The following AR variants were observed in gnomAD, a reference collection of about 807,000 sequenced individuals.
AR encodes the protein dihydrotestosterone receptor.
A neutral mutation model predicts 53.9 loss-of-function variants in AR; 8 were observed. The observed-to-expected ratio is 0.15, with a 90% confidence interval of 0.09 to 0.27. The LOEUF (loss-of-function observed/expected upper bound fraction) is 0.27. AR is among the 10% of genes least tolerant of loss of function. The pLI, the probability that AR is intolerant of heterozygous loss-of-function variation, is 1.00. For missense variants in AR, 639 were observed against 742.5 expected (o/e 0.86, Z 1.62); for synonymous variants, 359 against 316.4 (o/e 1.13, Z -1.43).
intron 3 of AR, chrX:67,689,781 C>G (rs1374453704): frequency 2.6e-6 from 2 of 772,868 alleles, no homozygotes; most frequent in Non-Finnish European, 3.2e-6. Context: ...AAAAAAAGTC[C>G]AAATGAGGAC....
chrX:67,577,356 G>GT (rs747222375), intron 1 of AR, among the ~76,000 whole-genome samples: 1 of 110,885 alleles, frequency 9.0e-6, no homozygotes, highest in Non-Finnish European at 1.9e-5. Flanking sequence ...TATCATATTT[G>GT]TTTTTTCCAA....
intron 4 of AR, among the ~76,000 whole-genome samples, chrX:67,717,193 A>C (rs899602035): frequency 8.9e-6 from 1 of 112,240 alleles, no homozygotes; most frequent in African/African-American, 3.2e-5. Context: ...TCATATAAGC[A>C]GTCAATAAGT....
chrX:67,689,537 T>C, intron 3 of AR: 1 of 960,223 alleles, frequency 1.0e-6, no homozygotes, highest in Non-Finnish European at 1.3e-6. Flanking sequence ...ACCTACCTGT[T>C]TCTTGCTTTT....
At chrX:67,720,864 A>G (rs1468938005) in intron 5 of AR, among the ~76,000 whole-genome samples, 1 of 106,141 alleles carries the variant, frequency 9.4e-6, no homozygotes, top group Admixed American at 1.0e-4. Flanking sequence ...CACGCTGCAC[A>G]ATCAATTTCT....
intron 2 of AR, among the ~76,000 whole-genome samples, chrX:67,649,867 G>T (rs1317223415): frequency 1.8e-5 from 2 of 112,125 alleles, no homozygotes; most frequent in Non-Finnish European, 3.8e-5. Flanking sequence ...CTGTGCAGAA[G>T]CTCTTTAGTT....
chrX:67,581,220 C>T (rs1294525742), intron 1 of AR, among the ~76,000 whole-genome samples: 1 of 111,190 alleles, frequency 9.0e-6, no homozygotes, highest in Admixed American at 9.6e-5. Flanking sequence ...CACAACAAAT[C>T]TTTAATTCAC....
chrX:67,664,579 A>G (rs1180375622), intron 2 of AR, among the ~76,000 whole-genome samples: 1 of 112,224 alleles, frequency 8.9e-6, no homozygotes. Flanking sequence ...CCACTTGAGG[A>G]GGCAGTCTGT....
At chrX:67,570,441 G>T (rs1921765297) in intron 1 of AR, among the ~76,000 whole-genome samples, 1 of 111,976 alleles carries the variant, frequency 8.9e-6, no homozygotes, top group Non-Finnish European at 1.9e-5. Context: ...ATTCATGTAG[G>T]ATGTCAAAAG....
chrX:67,587,871 C>T (rs760453393), intron 1 of AR, among the ~76,000 whole-genome samples: 1 of 111,049 alleles, frequency 9.0e-6, no homozygotes, highest in South Asian at 4.0e-4. Flanking sequence ...GTAAATATTG[C>T]TTCTCTCCTT....
At chrX:67,590,490 A>C (rs1922778854) in intron 1 of AR, among the ~76,000 whole-genome samples, 1 of 112,228 alleles carries the variant, frequency 8.9e-6, no homozygotes, top group Admixed American at 9.4e-5. Flanking sequence ...ACAGATATTG[A>C]TAATAATGAT....
chrX:67,664,518 C>T (rs981809270), intron 2 of AR, among the ~76,000 whole-genome samples: 2 of 111,946 alleles, frequency 1.8e-5, no homozygotes, highest in Non-Finnish European at 3.8e-5. Flanking sequence ...AGGTGTCAGT[C>T]TGCCCCTACT....
chrX:67,700,817 T>C (rs781182718), intron 3 of AR, among the ~76,000 whole-genome samples: 2 of 112,192 alleles, frequency 1.8e-5, no homozygotes, highest in East Asian at 5.6e-4. Context: ...TCACGAGTCA[T>C]CATCCCAGGG....
intron 1 of AR, among the ~76,000 whole-genome samples, chrX:67,622,523 T>G (rs1260050542): frequency 8.9e-6 from 1 of 111,904 alleles, no homozygotes; most frequent in Non-Finnish European, 1.9e-5. Flanking sequence ...TTGTTGGTGA[T>G]GTAAGCTACA....
intron 3 of AR, among the ~76,000 whole-genome samples, chrX:67,704,738 T>C (rs1228061229): frequency 8.9e-6 from 1 of 112,023 alleles, no homozygotes; most frequent in African/African-American, 3.2e-5. Context: ...ATGTCATGAA[T>C]GGTATTGCCT....
chrX:67,569,986 C>A, intron 1 of AR, among the ~76,000 whole-genome samples: 1 of 111,517 alleles, frequency 9.0e-6, no homozygotes, highest in Admixed American at 9.5e-5. Flanking sequence ...CAGTTCTGGG[C>A]CTTTGCAGTT....
chrX:67,640,999 A>G (rs933911830), intron 1 of AR, among the ~76,000 whole-genome samples: 2 of 111,320 alleles, frequency 1.8e-5, no homozygotes, highest in African/African-American at 6.5e-5. Context: ...GGCCAAGGAA[A>G]TATCTCGATC....
intron 2 of AR, among the ~76,000 whole-genome samples, chrX:67,664,206 G>C (rs1295929362): frequency 8.9e-6 from 1 of 111,861 alleles, no homozygotes; most frequent in Admixed American, 9.5e-5. Flanking sequence ...CTGATTTTTA[G>C]AGTTTCCGGT....
chrX:67,638,878 G>A (rs1170902426), intron 1 of AR, among the ~76,000 whole-genome samples: 1 of 111,878 alleles, frequency 8.9e-6, no homozygotes, highest in African/African-American at 3.3e-5. Context: ...TGCTTTTGGT[G>A]TTTTAGTCAT....
chrX:67,620,896 AATATTTACC>A (rs1274755565), intron 1 of AR, among the ~76,000 whole-genome samples: 1 of 111,687 alleles, frequency 9.0e-6, no homozygotes, highest in Non-Finnish European at 1.9e-5. Context: ...GCACTCAATA[AATATTTACC>A]ACATTTTCCA....
Sources: allele counts gnomAD v4.1 joint callset (sites outside exome capture counted in the v4.1 genomes callset), GRCh38; gene constraint gnomAD v4.1.1; transcripts MANE v1.5; gene names NCBI Gene and HGNC (gene_info 2026-07-23, HGNC 2026-07-21).